Variants in GALNT17 observed in about 807,000 individuals in gnomAD.
GALNT17 encodes the protein polypeptide N-acetylgalactosaminyltransferase 17.
In GALNT17, 29 loss-of-function variants were observed where a neutral mutation model predicts 63.7. That is an observed-to-expected ratio of 0.46 (90% CI 0.34 to 0.62). GALNT17 has a LOEUF of 0.62. Ranked by LOEUF, GALNT17 falls within the 20% of genes least tolerant of loss-of-function variation. GALNT17 has a pLI of 0.01. For missense variants in GALNT17, 603 were observed against 799.6 expected (o/e 0.75, Z 2.97); for synonymous variants, 305 against 318.3 (o/e 0.96, Z 0.45).
At chr7:71,693,665 T>G (rs1584142836) in intron 9 of GALNT17, among the ~76,000 whole-genome samples, 16 of 146,416 alleles carry the variant, frequency 1.1e-4, no homozygotes, top group Admixed American at 1.4e-4. Context: ...GGGTGGAGGG[T>G]GGTAGGAGGG....
At chr7:71,526,430 C>A (rs1462419494) in intron 5 of GALNT17, among the ~76,000 whole-genome samples, 2 of 152,220 alleles carry the variant, frequency 1.3e-5, no homozygotes, top group Non-Finnish European at 2.9e-5. Context: ...CCGTCCCATG[C>A]TCTCTGCATT....
At chr7:71,185,594 G>A (rs995583881) in intron 1 of GALNT17, among the ~76,000 whole-genome samples, 5 of 137,864 alleles carry the variant, frequency 3.6e-5, no homozygotes, top group African/African-American at 1.1e-4. Flanking sequence ...TGCAAGCTCC[G>A]CCTCCTGGGT....
chr7:71,186,847 G>A (rs996588780), intron 1 of GALNT17, among the ~76,000 whole-genome samples: 2 of 152,194 alleles, frequency 1.3e-5, no homozygotes, highest in South Asian at 2.1e-4. Flanking sequence ...TCCCTAAGGC[G>A]AGAAAGGCTG....
At chr7:71,488,746 AT>A (rs1199452497) in intron 5 of GALNT17, among the ~76,000 whole-genome samples, 1 of 143,028 alleles carries the variant, frequency 7.0e-6, no homozygotes. Flanking sequence ...CACCCCGCTA[AT>A]TTTTTTGTAT....
chr7:71,626,238 G>A (rs886715355), intron 6 of GALNT17, among the ~76,000 whole-genome samples: 1 of 53,226 alleles, frequency 1.9e-5, no homozygotes, highest in East Asian at 1.3e-3. Flanking sequence ...GCAAGATTCT[G>A]TCAAAAAAAA....
chr7:71,585,625 A>C (rs1056193582), intron 6 of GALNT17, among the ~76,000 whole-genome samples: 1 of 152,002 alleles, frequency 6.6e-6, no homozygotes, highest in Non-Finnish European at 1.5e-5. Flanking sequence ...ATATGGACTC[A>C]AGGGTTTTTT....
chr7:71,515,510 A>G (rs1317560951), intron 5 of GALNT17, among the ~76,000 whole-genome samples: 1 of 152,148 alleles, frequency 6.6e-6, no homozygotes, highest in Non-Finnish European at 1.5e-5. Context: ...ACGCAGTGAT[A>G]GTGTCTTTCG....
chr7:71,456,679 A>G (rs548740304), intron 5 of GALNT17, among the ~76,000 whole-genome samples: 16 of 152,308 alleles, frequency 1.1e-4, no homozygotes, highest in Non-Finnish European at 2.1e-4. Flanking sequence ...CATAAAAAAA[A>G]AAAACAAAGC....
At chr7:71,391,978 C>T (rs1386932925) in intron 3 of GALNT17, among the ~76,000 whole-genome samples, 19 of 152,058 alleles carry the variant, frequency 1.2e-4, no homozygotes, top group African/African-American at 4.6e-4. Flanking sequence ...AGGTCCCAGA[C>T]TCTGTGAGAA....
intron 6 of GALNT17, among the ~76,000 whole-genome samples, chr7:71,622,959 C>G (rs1479345938): frequency 6.6e-6 from 1 of 152,154 alleles, no homozygotes; most frequent in Non-Finnish European, 1.5e-5. Flanking sequence ...TCTCACCATC[C>G]CCTCTGGACT....
chr7:71,325,326 C>T (rs996270474), intron 1 of GALNT17, among the ~76,000 whole-genome samples: 1 of 152,174 alleles, frequency 6.6e-6, no homozygotes, highest in Non-Finnish European at 1.5e-5. Context: ...AAACAAATGC[C>T]TGCCCAGTGG....
Position 71,345,160 on chromosome 7 carries a change from G to GT in GALNT17, c.422+9436dup, listed in dbSNP as rs537286552. Among the ~76,000 whole-genome samples the GT allele has an allele frequency of 6.1e-3, 746 of 121,868 alleles. 2 individuals are homozygous for GT. Among genetic ancestry groups the GT allele is most frequent in the Middle Eastern group, 0.035 (9 of 258 alleles). 80.0% of individuals were successfully genotyped at this position (121,868 alleles called of 152,430 possible). A position where few individuals can be genotyped will look rare whatever the true frequency, so the allele number is the denominator to read the frequency against. On this transcript the variant is annotated intron_variant, in intron 2 of 10. Transcript: ENST00000333538. ...TTGTTGTTTTTTGTTTTTTTTTTTT[G>GT]TTTTTTTTTGCTGAGACATACCATT...
intron 1 of GALNT17, among the ~76,000 whole-genome samples, chr7:71,233,015 G>A (rs1263341078): frequency 6.6e-6 from 1 of 152,108 alleles, no homozygotes; most frequent in Non-Finnish European, 1.5e-5. Context: ...CAACAACCCT[G>A]TGAAGTAGGT....
At position 71,192,180 on chromosome 7, in the gene GALNT17, CCTT is replaced by C. The variant is rs146877960; in HGVS notation, c.238+59146_238+59148del. ...AGACTCAGCAAGTCAGCCTCTCCCACCTTCTTCTGCCTGTTTCATTCTAGCCAC... is the reference window on the plus strand; with the variant it reads ...AGACTCAGCAAGTCAGCCTCTCCCACCTTCTGCCTGTTTCATTCTAGCCAC... On this transcript the variant is annotated intron_variant, in intron 1 of 10. Coordinates refer to ENST00000333538, the MANE Select transcript of GALNT17 (RefSeq NM_022479.3). 7.2e-3 allele frequency among the ~76,000 whole-genome samples: 1,091 copies of C among 152,222 alleles called. 13 individuals carry two copies. Among genetic ancestry groups the C allele is most frequent in the African/African-American group, 0.025 (1,036 of 41,538 alleles).
chr7:71,373,183 C>T (rs976988552), intron 2 of GALNT17, among the ~76,000 whole-genome samples: 17 of 152,168 alleles, frequency 1.1e-4, no homozygotes, highest in African/African-American at 2.7e-4. Context: ...GGAATGCCAG[C>T]GTCTCACTTC....
chr7:71,508,716 C>A (rs1788305316), intron 5 of GALNT17, among the ~76,000 whole-genome samples: 1 of 152,040 alleles, frequency 6.6e-6, no homozygotes, highest in Non-Finnish European at 1.5e-5. Context: ...GCCAAAGGGA[C>A]CCTGGAGGGC....
intron 5 of GALNT17, among the ~76,000 whole-genome samples, chr7:71,427,312 G>GGT (rs1786777864): frequency 6.6e-6 from 1 of 151,604 alleles, no homozygotes; most frequent in Non-Finnish European, 1.5e-5. Context: ...TAACCAGGTT[G>GGT]GTCTCAATCT....
At chr7:71,161,163 A>G (rs1454095213) in intron 1 of GALNT17, among the ~76,000 whole-genome samples, 1 of 152,178 alleles carries the variant, frequency 6.6e-6, no homozygotes, top group Non-Finnish European at 1.5e-5. Flanking sequence ...ACTGCTTTCC[A>G]TTAAGTTTAT....
chr7:71,304,661 T>C (rs1380433108), intron 1 of GALNT17, among the ~76,000 whole-genome samples: 1 of 152,168 alleles, frequency 6.6e-6, no homozygotes, highest in Admixed American at 6.5e-5. Flanking sequence ...TAAGTTAGTT[T>C]TGCACTTCCC....
Sources: allele counts gnomAD v4.1 joint callset (sites outside exome capture counted in the v4.1 genomes callset), GRCh38; gene constraint gnomAD v4.1.1; transcripts MANE v1.5; gene names NCBI Gene and HGNC (gene_info 2026-07-23, HGNC 2026-07-21).